Variants in KLHDC4 observed in about 807,000 individuals in gnomAD.
KLHDC4 encodes kelch domain-containing protein 4.
In KLHDC4, 90 loss-of-function variants were observed where a neutral mutation model predicts 62.4. That is an observed-to-expected ratio of 1.44 (90% CI 1.22 to 1.72). KLHDC4 has a LOEUF of 1.72. KLHDC4 is among the 40% of genes most tolerant of loss of function. KLHDC4 has a pLI of 0.00. For missense variants in KLHDC4, 1,025 were observed against 699.7 expected (o/e 1.47, Z -5.25); for synonymous variants, 386 against 284.4 (o/e 1.36, Z -3.59).
At position 87,726,933 on chromosome 16, in the gene KLHDC4, A is replaced by T. The variant is rs1384428745; in HGVS notation, c.600-9T>A. 7.4e-6 allele frequency: 12 copies of T among 1,613,524 alleles called. No individual in the cohort carries two copies. The Admixed American group carries it at 2.0e-4, about 27-fold the overall frequency. ...TGTAGTAGATGTAATCCCTGGTTAG[A>T]AGAACAGCAGCTGTCAGGGTCCGTA... is the stretch of plus-strand genomic sequence containing the variant. On this transcript the variant is annotated splice_polypyrimidine_tract_variant and intron_variant, in intron 6 of 11. Coordinates refer to ENST00000270583, the MANE Select transcript of KLHDC4 (RefSeq NM_017566.4).
intron 5 of KLHDC4, among the ~76,000 whole-genome samples, chr16:87,736,285 G>C (rs766209074): frequency 6.6e-6 from 1 of 152,170 alleles, no homozygotes; most frequent in East Asian, 1.9e-4. Flanking sequence ...ACACACAGAA[G>C]GGAAGTAAAA....
At chr16:87,745,636 T>A (rs1363139033) in intron 5 of KLHDC4, among the ~76,000 whole-genome samples, 1 of 152,204 alleles carries the variant, frequency 6.6e-6, no homozygotes, top group Non-Finnish European at 1.5e-5. Flanking sequence ...CAGTCAACTG[T>A]CACCGCAAGA....
chr16:87,714,470 TC>T (rs781238863), intron 8 of KLHDC4, 27 bp downstream of exon 8: 1 of 1,612,860 alleles, frequency 6.2e-7, no homozygotes, highest in Non-Finnish European at 8.5e-7. Context: ...ACCAGCCAGC[TC>T]CCGCCCTGGA....
intron 5 of KLHDC4, among the ~76,000 whole-genome samples, chr16:87,733,411 AGAG>A (rs1447568698): frequency 6.6e-6 from 1 of 152,242 alleles, no homozygotes; most frequent in Non-Finnish European, 1.5e-5. Context: ...GCCCAGGCAC[AGAG>A]GAGGCGGGGC....
exon 1 of KLHDC4, chr16:87,699,386 AGTG>A: frequency 6.6e-6 from 1 of 152,300 alleles, no homozygotes; most frequent in South Asian, 2.1e-4. Context: ...CTGACAAGAC[AGTG>A]GTGATGTAGA....
chr16:87,728,024 A>T (rs940742929), intron 6 of KLHDC4, among the ~76,000 whole-genome samples: 1 of 152,164 alleles, frequency 6.6e-6, no homozygotes, highest in Non-Finnish European at 1.5e-5. Context: ...TGTCTCTACT[A>T]AAAACACAAA....
intron 7 of KLHDC4, among the ~76,000 whole-genome samples, chr16:87,723,923 G>A (rs1212493991): frequency 1.3e-5 from 2 of 152,058 alleles, no homozygotes; most frequent in Non-Finnish European, 1.5e-5. Context: ...TGCAACCTCC[G>A]CCTCCCGGGT....
intron 1 of KLHDC4, 168 bp from the exon 2 acceptor site, chr16:87,762,208 T>C (rs761036340): frequency 2.9e-6 from 4 of 1,385,870 alleles, no homozygotes; most frequent in Non-Finnish European, 3.8e-6. Context: ...CATTCGAAAG[T>C]AACCAGAGCT....
intron 5 of KLHDC4, among the ~76,000 whole-genome samples, chr16:87,737,444 C>T (rs991928000): frequency 6.6e-6 from 1 of 151,954 alleles, no homozygotes; most frequent in Non-Finnish European, 1.5e-5. Flanking sequence ...AAAAATTAGC[C>T]GAGCGTGGTG....
exon 1 of KLHDC4, chr16:87,702,095 A>G (rs1220049597): frequency 5.5e-5 from 25 of 456,168 alleles, no homozygotes; most frequent in Non-Finnish European, 1.1e-4. Context: ...AGATCAGAAC[A>G]GCCTTCGGGT....
At chr16:87,737,302 C>T (rs536719065) in intron 5 of KLHDC4, among the ~76,000 whole-genome samples, 1 of 150,362 alleles carries the variant, frequency 6.7e-6, no homozygotes, top group Non-Finnish European at 1.5e-5. Context: ...AACCACTTAC[C>T]CTAGGCCAGG....
intron 7 of KLHDC4, among the ~76,000 whole-genome samples, chr16:87,715,492 G>A (rs537014301): frequency 6.6e-6 from 1 of 152,284 alleles, no homozygotes; most frequent in African/African-American, 2.4e-5. Context: ...ATCCCGTCGA[G>A]GGTCCCACTG....
At chr16:87,723,821 G>C (rs990204800) in intron 7 of KLHDC4, among the ~76,000 whole-genome samples, 1 of 152,186 alleles carries the variant, frequency 6.6e-6, no homozygotes, top group African/African-American at 2.4e-5. Context: ...GGTATTCAAT[G>C]GAGAATAAAA....
chr16:87,721,414 TAA>T (rs1176744434), intron 7 of KLHDC4, among the ~76,000 whole-genome samples: 30 of 78,882 alleles, frequency 3.8e-4, no homozygotes, highest in Middle Eastern at 8.2e-3. Context: ...ACTCTGTCTC[TAA>T]AAAAAAAAAA....
chr16:87,729,404 C>A (rs573538652), intron 6 of KLHDC4: 21 of 152,284 alleles, frequency 1.4e-4, no homozygotes, highest in African/African-American at 5.1e-4. Context: ...AAATGAGGCC[C>A]CGGAGATACA....
intron 5 of KLHDC4, among the ~76,000 whole-genome samples, chr16:87,734,612 G>C (rs1373799940): frequency 6.6e-6 from 1 of 152,154 alleles, no homozygotes; most frequent in Non-Finnish European, 1.5e-5. Flanking sequence ...CCCCTCCATG[G>C]AATGTCAACC....
intron 6 of KLHDC4, among the ~76,000 whole-genome samples, chr16:87,727,557 G>A (rs1453377947): frequency 1.3e-5 from 2 of 152,162 alleles, no homozygotes; most frequent in East Asian, 1.9e-4. Context: ...AGGAGGCCCC[G>A]CAGCCTTGCC....
chr16:87,765,468 A>C, intron 1 of KLHDC4: 1 of 498,992 alleles, frequency 2.0e-6, no homozygotes, highest in Non-Finnish European at 3.9e-6. Flanking sequence ...CTCACCACCC[A>C]GCCTCCCTTC....
chr16:87,754,780 G>A (rs1022257671), intron 4 of KLHDC4, among the ~76,000 whole-genome samples: 1 of 152,184 alleles, frequency 6.6e-6, no homozygotes, highest in African/African-American at 2.4e-5. Context: ...CTAAGTCAGT[G>A]CCACTTCTCT....
Sources: gnomAD v4.1 joint callset for allele counts (sites outside exome capture counted in the v4.1 genomes callset) on GRCh38, gnomAD v4.1.1 for gene constraint, MANE v1.5 for transcripts, NCBI Gene and HGNC (gene_info 2026-07-23, HGNC 2026-07-21) for gene names.